The following LRP12 variants were observed in gnomAD, a reference collection of about 807,000 sequenced individuals.
The protein encoded by LRP12 is low-density lipoprotein receptor-related protein 12.
LRP12 carries 14 observed loss-of-function variants against 66.0 expected under a neutral mutation model. The ratio of observed to expected loss-of-function variants is 0.21; its 90% CI spans 0.14 to 0.33. The LOEUF is 0.33. LRP12 is among the 10% of genes least tolerant of loss of function. LRP12 has a pLI of 1.00. For synonymous variants in LRP12, 357 were observed against 359.1 expected (o/e 0.99, Z 0.07); for missense variants, 889 against 1,053.4 (o/e 0.84, Z 2.16).
intron 3 of LRP12, among the ~76,000 whole-genome samples, chr8:104,501,498 G>A (rs1564130314): frequency 1.3e-5 from 2 of 152,028 alleles, no homozygotes; most frequent in Non-Finnish European, 2.9e-5. Context: ...TCAGGAGTTC[G>A]AGACCAGCCT....
chr8:104,553,435 T>G (rs12675605), intron 1 of LRP12, among the ~76,000 whole-genome samples: 10,513 of 152,176 alleles, frequency 0.069, 416 homozygotes, highest in South Asian at 0.08. Flanking sequence ...CCTTTCAGGC[T>G]GCATGGGAGC....
chr8:104,539,572 T>A (rs747816893), intron 1 of LRP12, among the ~76,000 whole-genome samples: 1 of 152,150 alleles, frequency 6.6e-6, no homozygotes, highest in African/African-American at 2.4e-5. Context: ...AAATGACTTA[T>A]GAATCTTAAA....
At chr8:104,583,616 G>C (rs1271750977) in intron 1 of LRP12, among the ~76,000 whole-genome samples, 1 of 152,160 alleles carries the variant, frequency 6.6e-6, no homozygotes, top group Non-Finnish European at 1.5e-5. Flanking sequence ...ATCTAACACA[G>C]TGCTAGACAT....
rs1466661226 is a variant in LRP12, at chr8:104,497,848, T to A, written c.704A>T (p.Glu235Val). ...AATGTTCCCATCACATTTTAAAGATTCGGGGAGGCAAGTGTAAACTTTGGT... is the reference window on the plus strand; with the variant it reads ...AATGTTCCCATCACATTTTAAAGATACGGGGAGGCAAGTGTAAACTTTGGT... ...RFTKVYTCLP[E>V]SLKCDGNIDC... Residue 235 changes from glutamate (E) to valine (V), a missense_variant, in exon 5 of 7, where the codon GAA (glutamate) becomes GTA (valine). Physicochemically the swap from Glu to Val is moderately radical, Grantham distance 121 (BLOSUM62 -2). This residue lies in a region of LRP12 where 800 missense variants were observed against 964.5 expected (regional missense o/e 0.83). Coordinates refer to ENST00000276654, the MANE Select transcript of LRP12 (RefSeq NM_013437.5). This position sits in a 1 kb window ranked among gnomAD's most constrained non-coding sequence, Gnocchi z 4.3. The A allele has an allele frequency of 6.2e-7, 1 of 1,614,174 alleles. No homozygotes were observed. Among genetic ancestry groups the A allele is most frequent in the East Asian group, 2.2e-5 (1 of 44,876 alleles).
intron 1 of LRP12, among the ~76,000 whole-genome samples, chr8:104,582,826 T>C (rs1812273829): frequency 6.6e-6 from 1 of 152,190 alleles, no homozygotes; most frequent in Non-Finnish European, 1.5e-5. Flanking sequence ...TCTACTGAAT[T>C]GAGGGAACAA....
At chr8:104,527,677 T>A (rs1231362160) in intron 2 of LRP12, among the ~76,000 whole-genome samples, 2 of 151,970 alleles carry the variant, frequency 1.3e-5, no homozygotes, top group Non-Finnish European at 2.9e-5. Context: ...CTCTGGGGAC[T>A]GTTGTGGGGT....
At chr8:104,556,698 T>C (rs1192190017) in intron 1 of LRP12, among the ~76,000 whole-genome samples, 1 of 152,152 alleles carries the variant, frequency 6.6e-6, no homozygotes. Context: ...AAAGAAGAAT[T>C]GGTACCAATC....
At chr8:104,588,194 G>A (rs117884076) in intron 1 of LRP12, among the ~76,000 whole-genome samples, 3 of 152,314 alleles carry the variant, frequency 2.0e-5, no homozygotes, top group Non-Finnish European at 4.4e-5. Context: ...AGAGACTGAG[G>A]TGGGGCTGGA....
intron 1 of LRP12, among the ~76,000 whole-genome samples, chr8:104,539,852 T>C (rs1205383071): frequency 6.6e-6 from 1 of 152,180 alleles, no homozygotes; most frequent in East Asian, 1.9e-4. Context: ...TGCTGTAGCC[T>C]GATCATCACT....
chr8:104,503,049 G>T (rs577695990), intron 3 of LRP12, among the ~76,000 whole-genome samples: 116 of 152,210 alleles, frequency 7.6e-4, no homozygotes, highest in Non-Finnish European at 1.6e-3. Flanking sequence ...GTTGGGCGTG[G>T]TTTTTAATTT....
At chr8:104,532,712 GA>G (rs1249623309) in intron 1 of LRP12, among the ~76,000 whole-genome samples, 14 of 152,210 alleles carry the variant, frequency 9.2e-5, no homozygotes, top group African/African-American at 3.1e-4. Flanking sequence ...TGAGAGTGGA[GA>G]AAATAGCAAA....
At chr8:104,558,338 A>G (rs1811847161) in intron 1 of LRP12, among the ~76,000 whole-genome samples, 1 of 152,194 alleles carries the variant, frequency 6.6e-6, no homozygotes, top group Non-Finnish European at 1.5e-5. Flanking sequence ...GCAAACAAAA[A>G]CATGTATGAA....
At chr8:104,519,689 G>GA (rs1017783676) in intron 2 of LRP12, among the ~76,000 whole-genome samples, 82 of 151,980 alleles carry the variant, frequency 5.4e-4, no homozygotes, top group African/African-American at 2.0e-3. Context: ...CAGGCAAGCA[G>GA]AAAAAATGAT....
At chr8:104,509,932 G>T (rs1383792856) in intron 2 of LRP12, among the ~76,000 whole-genome samples, 1 of 152,158 alleles carries the variant, frequency 6.6e-6, no homozygotes, top group East Asian at 1.9e-4. Context: ...TGAGGGTCTT[G>T]AAGGTATCCC....
intron 1 of LRP12, among the ~76,000 whole-genome samples, chr8:104,583,960 T>C (rs1185247968): frequency 1.3e-5 from 2 of 152,108 alleles, no homozygotes; most frequent in African/African-American, 4.8e-5. Context: ...CAGTAAGAAT[T>C]CCCTAAGCTA....
intron 3 of LRP12, among the ~76,000 whole-genome samples, chr8:104,503,572 T>C (rs1223311294): frequency 1.3e-5 from 2 of 152,060 alleles, no homozygotes; most frequent in Non-Finnish European, 2.9e-5. Context: ...AGGGAGAGAG[T>C]TTCAATTTCT....
intron 2 of LRP12, among the ~76,000 whole-genome samples, chr8:104,510,240 G>A (rs536463323): frequency 6.6e-6 from 1 of 152,326 alleles, no homozygotes; most frequent in Admixed American, 6.5e-5. Flanking sequence ...GTTAGTGGAT[G>A]ATTGAATAAA....
intron 1 of LRP12, among the ~76,000 whole-genome samples, chr8:104,571,945 A>C (rs1345418938): frequency 6.6e-6 from 1 of 152,230 alleles, no homozygotes; most frequent in East Asian, 1.9e-4. Context: ...AGAGAAATAA[A>C]AACTTATGTC....
At chr8:104,521,818 C>G (rs1232355589) in intron 2 of LRP12, among the ~76,000 whole-genome samples, 1 of 151,848 alleles carries the variant, frequency 6.6e-6, no homozygotes, top group East Asian at 1.9e-4. Context: ...TTTTATAACA[C>G]TGGTCAAAAG....
Sources: allele counts gnomAD v4.1 joint callset (sites outside exome capture counted in the v4.1 genomes callset), GRCh38; gene constraint gnomAD v4.1.1; regional missense constraint gnomAD v4.1.1; non-coding constraint Gnocchi (gnomAD v3.1); transcripts MANE v1.5; gene names NCBI Gene and HGNC (gene_info 2026-07-23, HGNC 2026-07-21).